SCART1: variants seen among roughly 807,000 people sequenced by gnomAD.
SCART1 encodes the protein scavenger receptor cysteine-rich domain-containing protein SCART1.
SCART1 carries 62 observed loss-of-function variants against 36.2 expected under a neutral mutation model. The observed-to-expected ratio is 1.71, with a 90% CI of 1.40 to 2.12. SCART1 has a LOEUF of 2.12. Ranked by LOEUF, SCART1 falls within the 30% of genes most tolerant of loss-of-function variation. The pLI, the probability that SCART1 is intolerant of heterozygous loss-of-function variation, is 0.00. For missense variants in SCART1, 1,041 were observed against 540.5 expected (o/e 1.93, Z -9.18); for synonymous variants, 487 against 238.7 (o/e 2.04, Z -9.59).
intron 4 of SCART1, 42 bp from the exon 5 acceptor site, chr10:133,458,979 G>T: frequency 4.6e-6 from 3 of 645,300 alleles, no homozygotes; most frequent in Non-Finnish European, 8.5e-6. Context: ...CATGTTCTGG[G>T]TCGGCCGTCT....
intron 3 of SCART1, chr10:133,458,093 C>G: frequency 1.5e-6 from 1 of 668,346 alleles, no homozygotes; most frequent in Non-Finnish European, 2.7e-6. Context: ...CTGTCATGGC[C>G]TCGGACAGGC....
chr10:133,464,893 T>C (rs1253419274), exon 7 of SCART1: 1 of 702,904 alleles, frequency 1.4e-6, no homozygotes, highest in South Asian at 1.5e-5. Flanking sequence ...ACCCGCACTC[T>C]TGCGACCTTC....
exon 5 of SCART1, chr10:133,459,211 C>G: frequency 1.4e-6 from 1 of 701,436 alleles, no homozygotes; most frequent in Non-Finnish European, 2.6e-6. Context: ...ACGCTGCCAT[C>G]TGGCCTGATG....
At chr10:133,467,877 G>T (rs1850781003) in exon 12 of SCART1, 1 of 694,896 alleles carries the variant, frequency 1.4e-6, no homozygotes, top group East Asian at 2.7e-5. Context: ...CTCCTGGAGG[G>T]ACAGTCTATA....
exon 9 of SCART1, chr10:133,465,442 G>T: frequency 1.8e-6 from 1 of 543,780 alleles, no homozygotes; most frequent in Non-Finnish European, 3.2e-6. Flanking sequence ...CCCTGGCTCC[G>T]GGCCCGTGTG....
At chr10:133,456,493 C>T in exon 2 of SCART1, 1 of 696,620 alleles carries the variant, frequency 1.4e-6, no homozygotes, top group Non-Finnish European at 2.6e-6. Context: ...GGGAGTGCAG[C>T]CTTGGCTCAT....
Position 133,459,445 on chromosome 10 carries a change from C to T in SCART1, c.1286-42C>T. The T allele has an allele frequency of 8.1e-6, 5 of 618,038 alleles. No homozygotes were observed. The South Asian group carries it at 9.4e-5, about 12-fold the overall frequency. 38.3% of individuals were successfully genotyped at this position (618,038 alleles called of 1,614,324 possible). On this transcript the variant is annotated intron_variant, in intron 5 of 11. Transcript: ENST00000640237. ...CCTGCTGGGGGGTGGTCCTGGGTCC[C>T]TCCCGCTGACATCTTGGGCCCCTGT...
At chr10:133,464,309 GGCGT>G (rs1850737190) in intron 6 of SCART1, 7 of 39,998 alleles carry the variant, frequency 1.8e-4, no homozygotes, top group Non-Finnish European at 3.8e-4. Flanking sequence ...AGTGAACCTG[GGCGT>G]GCAGTGAACC....
At chr10:133,465,050 T>G (rs1380487418) in intron 7 of SCART1, 56 bp from the exon 8 acceptor site, 3 of 702,120 alleles carry the variant, frequency 4.3e-6, no homozygotes, top group Non-Finnish European at 7.8e-6. Context: ...TCCACAGCCT[T>G]CCTTGTGAAG....
chr10:133,458,599 C>T (rs964055494), exon 4 of SCART1: 27 of 696,048 alleles, frequency 3.9e-5, no homozygotes, highest in Non-Finnish European at 6.5e-5. Context: ...GTTCCACTGC[C>T]CACGGGGGCG....
exon 6 of SCART1, chr10:133,459,994 G>C: frequency 3.7e-6 from 2 of 538,926 alleles, no homozygotes; most frequent in Non-Finnish European, 6.5e-6. Context: ...AGGCAGCTGG[G>C]CTGTGGCCGC....
At chr10:133,458,718 C>G (rs538390439) in intron 4 of SCART1, 62 bp downstream of exon 4, 2 of 692,672 alleles carry the variant, frequency 2.9e-6, no homozygotes, top group Non-Finnish European at 5.2e-6. Flanking sequence ...CAAATCCCTT[C>G]GTGCCCTAAA....
chr10:133,465,603 G>A, intron 9 of SCART1, 38 bp downstream of exon 9: 1 of 576,640 alleles, frequency 1.7e-6, no homozygotes, highest in Non-Finnish European at 3.1e-6. Context: ...CATGGGGCCG[G>A]CAGAGGGCGC....
chr10:133,457,426 C>T (rs1850632499), exon 3 of SCART1: 2 of 702,280 alleles, frequency 2.8e-6, no homozygotes, highest in African/African-American at 1.7e-5. Context: ...GGGTGCGGCC[C>T]TGTGCTCCAG....
intron 1 of SCART1, among the ~76,000 whole-genome samples, 170 bp downstream of exon 1, chr10:133,454,234 T>C (rs2253529): frequency 0.77 from 116,688 of 151,832 alleles, 46,046 homozygotes; most frequent in South Asian, 0.88. Context: ...TCCACATGGC[T>C]GGATCCCTGT....
At chr10:133,464,217 T>G in intron 6 of SCART1, 1 of 212,760 alleles carries the variant, frequency 4.7e-6, no homozygotes, top group Non-Finnish European at 9.3e-6. Context: ...TATCTGTTGT[T>G]GGACATTACA....
intron 6 of SCART1, among the ~76,000 whole-genome samples, chr10:133,460,471 C>CATATAT (rs55751015): frequency 0.01 from 1,409 of 136,462 alleles, 60 homozygotes; most frequent in African/African-American, 0.032. Context: ...ATCCGAAATT[C>CATATAT]ATATATATAT....
At chr10:133,460,202 C>A (rs995365102) in intron 6 of SCART1, 32 bp downstream of exon 6, 2 of 460,572 alleles carry the variant, frequency 4.3e-6, no homozygotes, top group Non-Finnish European at 7.6e-6. Flanking sequence ...AATGATCATG[C>A]TGTTTTATTA....
chr10:133,461,554 T>C (rs539902789), intron 6 of SCART1, among the ~76,000 whole-genome samples: 4 of 152,314 alleles, frequency 2.6e-5, no homozygotes, highest in Admixed American at 1.3e-4. Flanking sequence ...GCATGACTCT[T>C]TCCCCAGGCA....
Sources: allele counts gnomAD v4.1 joint callset (sites outside exome capture counted in the v4.1 genomes callset), GRCh38; gene constraint gnomAD v4.1.1; transcripts MANE v1.5; gene names NCBI Gene and HGNC (gene_info 2026-07-23, HGNC 2026-07-21).